CGNL1: variants seen among roughly 807,000 people sequenced by gnomAD.
CGNL1 encodes the protein cingulin-like protein 1.
Under a neutral mutation model 141.2 loss-of-function variants are expected in CGNL1, and 132 were observed. That is an observed-to-expected ratio of 0.93 (90% CI 0.81 to 1.08). The LOEUF (loss-of-function observed/expected upper bound fraction) is 1.08, where lower values mean the gene tolerates loss of function less well. Ranked by LOEUF, CGNL1 falls within the 50% of genes least tolerant of loss-of-function variation. The pLI, the probability that CGNL1 is intolerant of heterozygous loss-of-function variation, is 0.00. For missense variants in CGNL1, 1,870 were observed against 1,588.6 expected, an observed-to-expected ratio of 1.18 and a Z score of -3.01; for synonymous variants, 690 against 622.1, an observed-to-expected ratio of 1.11 and a Z score of -1.63.
intron 13 of CGNL1, among the ~76,000 whole-genome samples, chr15:57,530,064 T>C (rs546175937): frequency 1.3e-5 from 2 of 152,336 alleles, no homozygotes; most frequent in African/African-American, 4.8e-5. Flanking sequence ...ACAACCTGGC[T>C]CAAAACAAGC....
intron 8 of CGNL1, among the ~76,000 whole-genome samples, chr15:57,491,699 C>T (rs1016628762): frequency 5.9e-5 from 9 of 152,056 alleles, no homozygotes; most frequent in African/African-American, 1.9e-4. Context: ...GATGAATCTC[C>T]GTTATAGAAG....
chr15:57,450,749 C>T (rs2063312321), intron 4 of CGNL1, among the ~76,000 whole-genome samples: 1 of 152,084 alleles, frequency 6.6e-6, no homozygotes, highest in Admixed American at 6.6e-5. Context: ...CAGTGCCTGT[C>T]AACAATTGTT....
In CGNL1 at chr15:57,547,622, C is replaced by G; in HGVS notation, c.*132C>G. The G allele has an allele frequency of 4.8e-6, 5 of 1,034,692 alleles. No homozygotes were observed. Among genetic ancestry groups the G allele is most frequent in the Non-Finnish European group, 7.0e-6 (5 of 713,074 alleles). The allele number at this position is 1,034,692 out of a possible 1,614,324, so 64.1% of individuals were successfully genotyped here. A position where few individuals can be genotyped will look rare whatever the true frequency, so the allele number is the denominator to read the frequency against. ...GCCTCTTTGCACAGCATGCCAGCTC[C>G]TCAGTGTTACATTCCTCGCCAGGGT... On this transcript the variant is annotated 3_prime_UTR_variant, in exon 19 of 19. Transcript: ENST00000281282.
intron 3 of CGNL1, 134 bp downstream of exon 3, chr15:57,440,605 C>A: frequency 1.4e-6 from 1 of 693,716 alleles, no homozygotes; most frequent in Non-Finnish European, 2.5e-6. Flanking sequence ...AACTCAATGG[C>A]TGGGGTTTTC....
chr15:57,403,991 G>T (rs1567095646), intron 1 of CGNL1, among the ~76,000 whole-genome samples: 1 of 152,218 alleles, frequency 6.6e-6, no homozygotes, highest in Non-Finnish European at 1.5e-5. Context: ...AGAGTTTGCT[G>T]CCCAGGGAGT....
rs34790913 is a variant in CGNL1, at chr15:57,440,109, TAAAA to T, written c.1603-256_1603-253del. Among the ~76,000 whole-genome samples the T allele has an allele frequency of 4.1e-3, 593 of 142,906 alleles. 6 individuals are homozygous for T. Among genetic ancestry groups the T allele is most frequent in the African/African-American group, 0.015 (561 of 38,432 alleles). 93.8% of individuals were successfully genotyped at this position (142,906 alleles called of 152,430 possible). ...AAAAATAATGATATTGATAAAATGG[TAAAA>T]AAAAAAAAAAAGTAGCTAAGTGCTA... On this transcript the variant is annotated intron_variant, in intron 2 of 18. Coordinates refer to ENST00000281282, the MANE Select transcript of CGNL1 (RefSeq NM_032866.5).
intron 4 of CGNL1, among the ~76,000 whole-genome samples, chr15:57,443,105 G>A (rs2063210467): frequency 6.6e-6 from 1 of 152,220 alleles, no homozygotes; most frequent in African/African-American, 2.4e-5. Context: ...GGAGCTTCAG[G>A]TGTGAAAGAG....
chr15:57,460,362 G>GT (rs1410262776), intron 7 of CGNL1, among the ~76,000 whole-genome samples: 2 of 152,230 alleles, frequency 1.3e-5, no homozygotes, highest in African/African-American at 4.8e-5. Context: ...AGTAGAGGCA[G>GT]TGAACAGAAA....
Position 57,439,530 on chromosome 15 carries a change from A to C in CGNL1, c.1531A>C (p.Thr511Pro), listed in dbSNP as rs1280396. 1 of 1,613,918 alleles carries C rather than the reference A, an allele frequency of 6.2e-7. No individual in the cohort carries two copies. The highest frequency in any genetic ancestry group is 8.5e-7 in the Non-Finnish European group (1 of 1,179,934). ...TATLMLQNRA[T>P]ATSPDSGAKK... ...TACGCTGATGTTACAGAACCGGGCAACAGCAACTTCGCCTGATTCTGGTGC... is the reference window on the plus strand; with the variant it reads ...TACGCTGATGTTACAGAACCGGGCACCAGCAACTTCGCCTGATTCTGGTGC... Residue 511 changes from threonine (T) to proline (P), a missense_variant, in exon 2 of 19, where the codon ACA (threonine) becomes CCA (proline). Coordinates refer to ENST00000281282, the MANE Select transcript of CGNL1 (RefSeq NM_032866.5).
intron 1 of CGNL1, among the ~76,000 whole-genome samples, chr15:57,398,024 G>C (rs1392234600): frequency 6.6e-6 from 1 of 152,002 alleles, no homozygotes; most frequent in Admixed American, 6.6e-5. Flanking sequence ...CTCGAGATGC[G>C]CCTGCCTCAG....
intron 8 of CGNL1, among the ~76,000 whole-genome samples, chr15:57,474,336 C>A (rs1280508193): frequency 6.6e-6 from 1 of 152,176 alleles, no homozygotes; most frequent in Non-Finnish European, 1.5e-5. Flanking sequence ...TTTTGACAAA[C>A]CATCTCTTTG....
chr15:57,523,516 C>A lies in CGNL1; in HGVS notation c.2743C>A (p.Gln915Lys). Residue 915 changes from glutamine (Q) to lysine (K), a missense_variant, in exon 11 of 19, where the codon CAG (glutamine) becomes AAG (lysine). By Grantham distance (53) the Gln-to-Lys change is moderately conservative. Transcript: ENST00000281282. ...QGNLSQTTQE[Q>K]KQLSEKLKEE... ...AAATCTGAGTCAGACTACCCAGGAG[C>A]AGAAGCAGTTGTCTGAGAAGCTCAA... is the stretch of plus-strand genomic sequence containing the variant. 1 of 1,614,140 alleles carries A rather than the reference C, an allele frequency of 6.2e-7. No individual in the cohort carries two copies. The highest frequency in any genetic ancestry group is 1.1e-5 in the South Asian group (1 of 91,068).
chr15:57,517,375 A>G (rs2030900170), intron 9 of CGNL1, among the ~76,000 whole-genome samples: 1 of 152,106 alleles, frequency 6.6e-6, no homozygotes, highest in South Asian at 2.1e-4. Flanking sequence ...TTGAAGTGAC[A>G]CTGATTTTAA....
intron 1 of CGNL1, among the ~76,000 whole-genome samples, chr15:57,425,056 A>AT (rs1219235448): frequency 1.7e-4 from 26 of 151,918 alleles, no homozygotes; most frequent in Admixed American, 1.0e-3. Flanking sequence ...AATCGTTGAG[A>AT]TTTTTTTTTC....
chr15:57,470,146 A>G (rs1326573197), intron 8 of CGNL1, among the ~76,000 whole-genome samples: 2 of 151,974 alleles, frequency 1.3e-5, no homozygotes, highest in Non-Finnish European at 2.9e-5. Flanking sequence ...AAAGGAAAAT[A>G]TCTCTTTTCC....
rs187686091 is a variant in CGNL1 at position 57,470,338 on chromosome 15, T to G, written c.2403+8446T>G. ...TCTGCATCTTGTATTGATTAAAAAGTATATAAATAAGAGGTCTAGAGTGGT... is the reference window on the plus strand; with the variant it reads ...TCTGCATCTTGTATTGATTAAAAAGGATATAAATAAGAGGTCTAGAGTGGT... On this transcript the variant is annotated intron_variant, in intron 8 of 18. Transcript: ENST00000281282. Among the ~76,000 whole-genome samples the G allele has an allele frequency of 4.0e-3, 583 of 147,470 alleles. 4 individuals carry two copies. Among genetic ancestry groups the G allele is most frequent in the African/African-American group, 0.014 (548 of 39,416 alleles).
In CGNL1 at chr15:57,451,555, C is replaced by T. The variant is rs111516593; in HGVS notation, c.1859C>T (p.Thr620Ile). ...KDLLEQKSKL[T>I]IEVAELQRQL... ...CTATTGGAACAGAAAAGCAAGTTGA[C>T]CATAGAAGTGGCTGAACTTCAGAGA... Residue 620 changes from threonine to isoleucine, a missense_variant, in exon 5 of 19, where the codon ACC (threonine) becomes ATC (isoleucine). Physicochemically the swap from Thr to Ile is moderately conservative, Grantham distance 89. Transcript: ENST00000281282. The T allele has an allele frequency of 1.7e-5, 28 of 1,612,488 alleles. No individual in the cohort carries two copies. In the Middle Eastern group the frequency reaches 6.6e-4, roughly 38 times the overall value.
At chr15:57,466,236 T>C (rs564188157) in intron 8 of CGNL1, among the ~76,000 whole-genome samples, 2 of 152,254 alleles carry the variant, frequency 1.3e-5, no homozygotes, top group Admixed American at 1.3e-4. Flanking sequence ...ATTTTACACT[T>C]TTTTTAGTTT....
Position 57,438,400 on chromosome 15 carries a change from A to C in CGNL1, c.401A>C (p.Asp134Ala). 1 of 1,614,162 alleles carries C rather than the reference A, an allele frequency of 6.2e-7. No individual in the cohort carries two copies. Among genetic ancestry groups the C allele is most frequent in the South Asian group, 1.1e-5 (1 of 91,086 alleles). ...EGKNGVLDRK[D>A]GSVKPSHLLN... ...AAGAATGGAGTTCTAGATCGCAAAG[A>C]CGGGTCTGTGAAGCCATCTCACCTG... is the stretch of plus-strand genomic sequence containing the variant. The change falls in exon 2 of 19, where the codon GAC (aspartate) becomes GCC (alanine). Residue 134 changes from aspartate (D) to alanine (A), a missense_variant. Transcript: ENST00000281282.
Sources: allele counts gnomAD v4.1 joint callset (sites outside exome capture counted in the v4.1 genomes callset), GRCh38; gene constraint gnomAD v4.1.1; transcripts MANE v1.5; gene names NCBI Gene and HGNC (gene_info 2026-07-23, HGNC 2026-07-21).